MACROD1: variants seen among roughly 807,000 people sequenced by gnomAD.
The protein encoded by MACROD1 is ADP-ribose glycohydrolase MACROD1.
A neutral mutation model predicts 41.4 loss-of-function variants in MACROD1; 31 were observed. The observed-to-expected ratio is 0.75, with a 90% CI of 0.56 to 1.01. The LOEUF is 1.01. Ranked by LOEUF, MACROD1 falls within the 50% of genes least tolerant of loss-of-function variation. The pLI, the probability that MACROD1 is intolerant of heterozygous loss-of-function variation, is 0.00. For missense variants in MACROD1, 473 were observed against 460.0 expected, an observed-to-expected ratio of 1.03 and a Z score of -0.26; for synonymous variants, 252 against 203.4, an observed-to-expected ratio of 1.24 and a Z score of -2.03.
intron 3 of MACROD1, among the ~76,000 whole-genome samples, chr11:64,071,596 G>A (rs536350088): frequency 7.2e-5 from 11 of 152,252 alleles, no homozygotes; most frequent in Admixed American, 5.2e-4. Flanking sequence ...CCAAATGACC[G>A]CTCTTCCCAC....
At chr11:64,093,101 G>A (rs546775123) in intron 3 of MACROD1, among the ~76,000 whole-genome samples, 3 of 152,332 alleles carry the variant, frequency 2.0e-5, no homozygotes, top group South Asian at 4.1e-4. Flanking sequence ...GGGACCCTGG[G>A]CAGGCTCCTG....
At chr11:64,163,232 G>A (rs1945784352) in intron 1 of MACROD1, among the ~76,000 whole-genome samples, 1 of 152,184 alleles carries the variant, frequency 6.6e-6, no homozygotes, top group South Asian at 2.1e-4. Context: ...TTGAACCCGG[G>A]AAGCAGAGGT....
chr11:64,154,484 T>C (rs1026270424), intron 1 of MACROD1, among the ~76,000 whole-genome samples: 1 of 152,144 alleles, frequency 6.6e-6, no homozygotes, highest in South Asian at 2.1e-4. Context: ...GTGCATCTCA[T>C]CCCCATCTGT....
intron 4 of MACROD1, among the ~76,000 whole-genome samples, chr11:64,014,361 C>T (rs1943052827): frequency 6.6e-6 from 1 of 152,214 alleles, no homozygotes; most frequent in South Asian, 2.1e-4. Flanking sequence ...CAAACAGACC[C>T]CCATTCTGCA....
Position 64,165,799 on chromosome 11 carries a change from C to T in MACROD1, c.196G>A (p.Ala66Thr). 6.8e-7 allele frequency: 1 copy of T among 1,480,922 alleles called. No individual in the cohort carries two copies. Among genetic ancestry groups the T allele is most frequent in the Non-Finnish European group, 8.9e-7 (1 of 1,118,388 alleles). The allele number at this position is 1,480,922 out of a possible 1,614,324, so 91.7% of individuals were successfully genotyped here. ...RTSAGVGAWG[A>T]AAVGRTAGVR... Reference sequence around the variant, plus strand: ...CCGGCTGTCCGCCCCACCGCCGCCGCCCCCCACGCCCCAACTCCCGCCGAG... The same window carrying T: ...CCGGCTGTCCGCCCCACCGCCGCCGTCCCCCACGCCCCAACTCCCGCCGAG... The change falls in exon 1 of 11, where the codon GCG (alanine) becomes ACG (threonine). Residue 66 changes from alanine (A) to threonine (T), a missense_variant. Transcript: ENST00000255681.
intron 3 of MACROD1, among the ~76,000 whole-genome samples, chr11:64,019,593 C>T (rs1943126659): frequency 6.6e-6 from 1 of 152,172 alleles, no homozygotes. Flanking sequence ...AGGTGGCACC[C>T]GGCCCCTCCT....
rs1044802551 is a variant in MACROD1, at chr11:63,999,773, G to A, written c.665-10C>T. 2 of 1,603,406 alleles carry A rather than the reference G, an allele frequency of 1.2e-6. No homozygotes were observed. Among genetic ancestry groups the A allele is most frequent in the Non-Finnish European group, 8.5e-7 (1 of 1,178,494 alleles). On this transcript the variant is annotated splice_polypyrimidine_tract_variant and intron_variant, in intron 5 of 10. Transcript: ENST00000255681. ...ACTGTGTGGATGACGTCTACGGGGG[G>A]CGACGGGGTCAGACCGGCGGGGGTC...
chr11:64,077,653 A>G (rs1001716974), intron 3 of MACROD1, among the ~76,000 whole-genome samples: 3 of 152,076 alleles, frequency 2.0e-5, no homozygotes, highest in African/African-American at 4.8e-5. Context: ...TCAGAGGCAC[A>G]TGCTGGCACA....
intron 3 of MACROD1, among the ~76,000 whole-genome samples, chr11:64,105,557 C>T (rs916412566): frequency 6.6e-5 from 10 of 152,180 alleles, no homozygotes; most frequent in South Asian, 2.1e-4. Flanking sequence ...CATTCTATGA[C>T]GTGCCCAACA....
At chr11:64,081,302 G>A (rs966141068) in intron 3 of MACROD1, among the ~76,000 whole-genome samples, 9 of 152,184 alleles carry the variant, frequency 5.9e-5, no homozygotes, top group Non-Finnish European at 1.2e-4. Context: ...GATTACAGGC[G>A]TGAGCCACCA....
intron 3 of MACROD1, among the ~76,000 whole-genome samples, chr11:64,056,567 C>T (rs1565212337): frequency 1.3e-5 from 2 of 152,122 alleles, no homozygotes; most frequent in East Asian, 1.9e-4. Context: ...AAACCTCATG[C>T]CCCAAAGGCT....
chr11:64,041,698 G>T (rs532401903), intron 3 of MACROD1, among the ~76,000 whole-genome samples: 1 of 152,284 alleles, frequency 6.6e-6, no homozygotes, highest in East Asian at 1.9e-4. Context: ...GACAAAATCC[G>T]AGGGACTGAG....
chr11:63,999,418 G>C lies in MACROD1; in HGVS notation c.818-14C>G. The C allele has an allele frequency of 6.4e-7, 1 of 1,566,336 alleles. No individual in the cohort carries two copies. Among genetic ancestry groups the C allele is most frequent in the Non-Finnish European group, 8.6e-7 (1 of 1,159,022 alleles). ...CACAGGGGTAGCCTGAGGCGGGTGGGGCGGGAGTGAGTCCTAGGCTCTGGC... is the reference window on the plus strand; with the variant it reads ...CACAGGGGTAGCCTGAGGCGGGTGGCGCGGGAGTGAGTCCTAGGCTCTGGC... On this transcript the variant is annotated splice_polypyrimidine_tract_variant and intron_variant, in intron 7 of 10. Transcript: ENST00000255681.
intron 3 of MACROD1, among the ~76,000 whole-genome samples, chr11:64,081,126 ATTC>A (rs1442414784): frequency 6.6e-6 from 1 of 152,154 alleles, no homozygotes; most frequent in African/African-American, 2.4e-5. Flanking sequence ...GGTTCAGACA[ATTC>A]TTCTGCCTCA....
intron 3 of MACROD1, among the ~76,000 whole-genome samples, chr11:64,047,045 C>A (rs1186765809): frequency 5.9e-5 from 9 of 152,292 alleles, no homozygotes; most frequent in Admixed American, 2.0e-4. Flanking sequence ...CCCAGTGCCC[C>A]CCCCGGCTAG....
chr11:64,073,705 T>A (rs534611395), intron 3 of MACROD1, among the ~76,000 whole-genome samples: 3 of 152,034 alleles, frequency 2.0e-5, no homozygotes, highest in Non-Finnish European at 4.4e-5. Flanking sequence ...TGCGTGCGCG[T>A]GGGTTCTCGC....
At chr11:64,017,300 A>G (rs549054899) in intron 3 of MACROD1, among the ~76,000 whole-genome samples, 1 of 152,188 alleles carries the variant, frequency 6.6e-6, no homozygotes, top group South Asian at 2.1e-4. Context: ...GACCAAGACT[A>G]TTTGCTGGGT....
chr11:64,028,708 C>T (rs1943255793), intron 3 of MACROD1, among the ~76,000 whole-genome samples: 1 of 152,146 alleles, frequency 6.6e-6, no homozygotes, highest in Non-Finnish European at 1.5e-5. Flanking sequence ...CAGCTCCTCC[C>T]AGTGCCCCCA....
chr11:64,010,009 G>C, intron 4 of MACROD1, among the ~76,000 whole-genome samples: 1 of 151,936 alleles, frequency 6.6e-6, no homozygotes, highest in Non-Finnish European at 1.5e-5. Context: ...GTATTGGTTG[G>C]GGTGTTGGTT....
Sources: gnomAD v4.1 joint callset for allele counts (sites outside exome capture counted in the v4.1 genomes callset) on GRCh38, gnomAD v4.1.1 for gene constraint, MANE v1.5 for transcripts, NCBI Gene and HGNC (gene_info 2026-07-23, HGNC 2026-07-21) for gene names.